Variants in GTF3C2 observed in about 807,000 individuals in gnomAD.
The protein encoded by GTF3C2 is general transcription factor IIIC subunit 2.
A neutral mutation model predicts 117.4 loss-of-function variants in GTF3C2; 17 were observed. That is an observed-to-expected ratio of 0.14 (90% CI 0.10 to 0.22). The LOEUF (loss-of-function observed/expected upper bound fraction) is 0.22. GTF3C2 is among the 10% of genes least tolerant of loss of function. The pLI is 1.00. For synonymous variants in GTF3C2, 437 were observed against 427.0 expected, an observed-to-expected ratio of 1.02 and a Z score of -0.29; for missense variants, 888 against 1,143.6, an observed-to-expected ratio of 0.78 and a Z score of 3.22.
chr2:27,333,817 G>A (rs747581206), intron 11 of GTF3C2, 33 bp from the exon 12 acceptor site: 3 of 1,596,126 alleles, frequency 1.9e-6, no homozygotes, highest in Non-Finnish European at 1.7e-6. Context: ...ACTAGGGTTA[G>A]GGACACCTAC....
intron 1 of GTF3C2, among the ~76,000 whole-genome samples, chr2:27,353,363 CAG>C (rs1681204704): frequency 7.2e-6 from 1 of 139,106 alleles, no homozygotes; most frequent in African/African-American, 2.7e-5. Flanking sequence ...AGCCTGGCGA[CAG>C]AGCTAGACTC....
intron 12 of GTF3C2, among the ~76,000 whole-genome samples, chr2:27,333,005 C>T (rs2148263157): frequency 6.6e-6 from 1 of 151,992 alleles, no homozygotes; most frequent in Non-Finnish European, 1.5e-5. Context: ...TGAGCCACTG[C>T]ACCCGGCAAA....
intron 1 of GTF3C2, among the ~76,000 whole-genome samples, chr2:27,344,071 C>A (rs1327187367): frequency 4.0e-5 from 6 of 150,294 alleles, no homozygotes; most frequent in Non-Finnish European, 8.8e-5. Context: ...GTTGCCCAGG[C>A]TGGAGTGTAA....
rs1305226910 is a variant in GTF3C2, at chr2:27,327,977, CAAAGACT to C, written c.2409+53_2409+59del. 15 of 1,454,004 alleles carry C rather than the reference CAAAGACT, an allele frequency of 1.0e-5. No homozygotes were observed. The East Asian group carries it at 3.4e-4, about 33-fold the overall frequency. 90.1% of individuals were successfully genotyped at this position (1,454,004 alleles called of 1,614,324 possible). Reference sequence around the variant, plus strand: ...GCTGAACTCAGGCTTGCGTACTATACAAAGACTAAAGTTTTCTACCTTTTCTAATACC... The same window carrying C: ...GCTGAACTCAGGCTTGCGTACTATACAAAGTTTTCTACCTTTTCTAATACC... On this transcript the variant is annotated intron_variant, in intron 17 of 18. Transcript: ENST00000264720.
chr2:27,355,165 T>C (rs535731437), intron 1 of GTF3C2, among the ~76,000 whole-genome samples: 18 of 152,350 alleles, frequency 1.2e-4, no homozygotes, highest in African/African-American at 4.1e-4. Flanking sequence ...CTGATAATAA[T>C]TGGTGTCAGC....
At chr2:27,328,900 C>T (rs773122378) in exon 15 of GTF3C2, 32 of 1,611,618 alleles carry the variant, frequency 2.0e-5, no homozygotes, top group South Asian at 5.5e-5. Flanking sequence ...AGGTAACCAG[C>T]GTCAATATAA....
chr2:27,342,282 C>G (rs754233757), intron 3 of GTF3C2, 49 bp from the exon 4 acceptor site: 1 of 1,475,262 alleles, frequency 6.8e-7, no homozygotes, highest in East Asian at 2.3e-5. Context: ...GACTGAGAAC[C>G]CACGTTTCCA....
At chr2:27,328,632 T>C (rs1363023256) in intron 15 of GTF3C2, 36 bp from the exon 16 acceptor site, 2 of 1,576,746 alleles carry the variant, frequency 1.3e-6, no homozygotes, top group Non-Finnish European at 1.7e-6. Flanking sequence ...CATTCATATA[T>C]TCATTCAGAG....
exon 11 of GTF3C2, chr2:27,333,996 G>A: frequency 6.2e-7 from 1 of 1,608,234 alleles, no homozygotes. Flanking sequence ...AGGCTTCACT[G>A]CATCTGTGAG....
At chr2:27,326,978 ATGAGCC>A in intron 18 of GTF3C2, 85 bp from the exon 19 acceptor site, 2 of 779,652 alleles carry the variant, frequency 2.6e-6, no homozygotes, top group Non-Finnish European at 4.2e-6. Context: ...AAAAAAAAAA[ATGAGCC>A]ACAATCTGAA....
At chr2:27,354,559 A>G (rs2148350164) in intron 1 of GTF3C2, among the ~76,000 whole-genome samples, 1 of 152,210 alleles carries the variant, frequency 6.6e-6, no homozygotes, top group East Asian at 1.9e-4. Context: ...TCAGGAGACT[A>G]GCCTGGCCAA....
chr2:27,340,877 T>G (rs1005415661), intron 4 of GTF3C2: 3 of 151,806 alleles, frequency 2.0e-5, no homozygotes, highest in African/African-American at 7.3e-5. Flanking sequence ...CCACCCACCT[T>G]GGCCTCCCAA....
intron 1 of GTF3C2, among the ~76,000 whole-genome samples, chr2:27,353,855 T>A (rs1681228530): frequency 6.6e-6 from 1 of 152,064 alleles, no homozygotes. Flanking sequence ...CTCAGGTCAC[T>A]GGGACCACAT....
In GTF3C2 at chr2:27,336,663, A is replaced by G. The variant is rs533894580; in HGVS notation, c.1128-238T>C. On this transcript the variant is annotated intron_variant, in intron 7 of 18. Coordinates refer to ENST00000264720, the Ensembl canonical transcript of GTF3C2. The stretch of plus-strand genomic sequence containing the variant: ...GGGTCTGTCACCCAGGATGGAGTGC[A>G]GTGGCATGATCGACGGTTCACTGCA... The G allele has an allele frequency of 1.8e-4, 86 of 473,826 alleles. 1 individual carries two copies. The South Asian group carries it at 2.2e-3, about 12-fold the overall frequency. 29.4% of individuals were successfully genotyped at this position (473,826 alleles called of 1,614,324 possible).
intron 1 of GTF3C2, among the ~76,000 whole-genome samples, chr2:27,354,543 T>C (rs1272219746): frequency 6.6e-6 from 1 of 152,092 alleles, no homozygotes; most frequent in Non-Finnish European, 1.5e-5. Context: ...GATGGATCAC[T>C]TGAGGTCAGG....
chr2:27,338,643 CCT>C (rs1217713086), intron 4 of GTF3C2, among the ~76,000 whole-genome samples: 8 of 152,154 alleles, frequency 5.3e-5, no homozygotes, highest in African/African-American at 1.9e-4. Flanking sequence ...CTCAAGCAAT[CCT>C]CTCACCTCTG....
In GTF3C2 at chr2:27,351,870, C is replaced by G. The variant is rs551583400; in HGVS notation, c.-25+4869G>C. ...TGCCACTTGCAGACCAACAGTCCCACACGCCCCCCATCTTGTAAAAATCTT... is the reference window on the plus strand; with the variant it reads ...TGCCACTTGCAGACCAACAGTCCCAGACGCCCCCCATCTTGTAAAAATCTT... On this transcript the variant is annotated intron_variant, in intron 1 of 18. Transcript: ENST00000264720. Among the ~76,000 whole-genome samples the G allele has an allele frequency of 2.6e-5, 4 of 152,122 alleles. No individual in the cohort carries two copies. The South Asian group carries it at 6.2e-4, about 24-fold the overall frequency.
At chr2:27,336,550 T>C in intron 7 of GTF3C2, 125 bp from the exon 8 acceptor site, 1 of 625,256 alleles carries the variant, frequency 1.6e-6, no homozygotes, top group South Asian at 2.0e-5. Flanking sequence ...AAAAACAGTT[T>C]ACAAGTGAGA....
At chr2:27,327,182 G>C (rs1233485103) in exon 18 of GTF3C2, 1 of 1,544,130 alleles carries the variant, frequency 6.5e-7, no homozygotes. Context: ...ACTACCTTAT[G>C]AATAGCCTCC....
Sources: gnomAD v4.1 joint callset for allele counts (sites outside exome capture counted in the v4.1 genomes callset) on GRCh38, gnomAD v4.1.1 for gene constraint, MANE v1.5 for transcripts, NCBI Gene and HGNC (gene_info 2026-07-23, HGNC 2026-07-21) for gene names.